The following PLEKHM3 variants were observed in gnomAD, a reference collection of about 807,000 sequenced individuals.
The protein encoded by PLEKHM3 is pleckstrin homology domain containing M3.
A neutral mutation model predicts 81.8 loss-of-function variants in PLEKHM3; 45 were observed. The ratio of observed to expected loss-of-function variants is 0.55; its 90% CI spans 0.43 to 0.71. PLEKHM3 has a LOEUF of 0.71. Ranked by LOEUF, PLEKHM3 falls within the 30% of genes least tolerant of loss-of-function variation. PLEKHM3 has a pLI of 0.00. For missense variants in PLEKHM3, 788 were observed against 924.3 expected (o/e 0.85, Z 1.91); for synonymous variants, 352 against 356.4 (o/e 0.99, Z 0.14).
chr2:207,916,159 G>A (rs564861350), intron 5 of PLEKHM3, among the ~76,000 whole-genome samples: 1 of 152,126 alleles, frequency 6.6e-6, no homozygotes, highest in Non-Finnish European at 1.5e-5. Flanking sequence ...CTGAAAAAAT[G>A]GCAAGATTGC....
At chr2:207,851,511 G>C (rs1345594215) in intron 7 of PLEKHM3, 1 of 152,216 alleles carries the variant, frequency 6.6e-6, no homozygotes, top group African/African-American at 2.4e-5. Context: ...CGAGGCGGGG[G>C]AGGATCACCT....
chr2:208,014,517 G>A lies in PLEKHM3; in HGVS notation c.-319+10872C>T, dbSNP rs559203961. Among the ~76,000 whole-genome samples the A allele has an allele frequency of 1.4e-3, 211 of 152,168 alleles. 2 individuals are homozygous for A. The highest frequency in any genetic ancestry group is 2.2e-3 in the Non-Finnish European group (151 of 68,026). On this transcript the variant is annotated intron_variant, in intron 1 of 7. Transcript: ENST00000427836. ...AAGTTAGCTGGCCGTGGTGGCAGGC[G>A]CCTGTAATCCTAGCTACTCGGGAGG...
intron 4 of PLEKHM3, among the ~76,000 whole-genome samples, chr2:207,946,103 C>A (rs796459188): frequency 1.3e-5 from 2 of 152,114 alleles, no homozygotes; most frequent in African/African-American, 4.8e-5. Context: ...ATAAAAGAGG[C>A]TCCTCTCTCT....
intron 1 of PLEKHM3, among the ~76,000 whole-genome samples, chr2:208,010,501 AAAAC>A (rs1351512081): frequency 6.6e-6 from 1 of 152,242 alleles, no homozygotes; most frequent in Non-Finnish European, 1.5e-5. Flanking sequence ...CACTGACTAG[AAAAC>A]AAACAAAAGA....
At chr2:207,830,072 C>T (rs143590578) in intron 7 of PLEKHM3, among the ~76,000 whole-genome samples, 8 of 152,068 alleles carry the variant, frequency 5.3e-5, no homozygotes, top group East Asian at 3.9e-4. Flanking sequence ...TGGGTGTGTG[C>T]GTGCACACCT....
chr2:207,901,083 C>G (rs916351813), intron 6 of PLEKHM3: 5 of 596,046 alleles, frequency 8.4e-6, no homozygotes, highest in Non-Finnish European at 1.5e-5. Flanking sequence ...CTGAGGGGCT[C>G]GAGTTGGCTC....
intron 7 of PLEKHM3, among the ~76,000 whole-genome samples, chr2:207,847,551 C>T (rs2092390671): frequency 6.6e-6 from 1 of 152,296 alleles, no homozygotes; most frequent in South Asian, 2.1e-4. Context: ...TTCCCACCCC[C>T]AAAATGTCTA....
intron 1 of PLEKHM3, among the ~76,000 whole-genome samples, chr2:208,017,719 C>T (rs1242848692): frequency 6.6e-6 from 1 of 152,156 alleles, no homozygotes; most frequent in Non-Finnish European, 1.5e-5. Context: ...CCTCAAGAAG[C>T]AGTCTGATTC....
At chr2:207,972,084 T>C (rs917675054) in intron 3 of PLEKHM3, among the ~76,000 whole-genome samples, 1 of 152,248 alleles carries the variant, frequency 6.6e-6, no homozygotes, top group African/African-American at 2.4e-5. Flanking sequence ...TCTTCCCTAG[T>C]GGACTGCAAA....
At chr2:207,953,050 G>A (rs755779780) in intron 3 of PLEKHM3, among the ~76,000 whole-genome samples, 14 of 152,158 alleles carry the variant, frequency 9.2e-5, no homozygotes, top group African/African-American at 1.2e-4. Flanking sequence ...TTAAGTATAC[G>A]TTCTGTCGGT....
chr2:207,969,640 C>T (rs556764071), intron 3 of PLEKHM3, among the ~76,000 whole-genome samples: 1 of 152,314 alleles, frequency 6.6e-6, no homozygotes, highest in South Asian at 2.1e-4. Flanking sequence ...TTAGCTTCAG[C>T]TTAGCTAGTT....
Position 207,976,549 on chromosome 2 carries a change from A to C in PLEKHM3, c.1546+102T>G, listed in dbSNP as rs566897302. On this transcript the variant is annotated intron_variant, in intron 3 of 7. Coordinates refer to ENST00000427836, the MANE Select transcript of PLEKHM3 (RefSeq NM_001080475.3). The surrounding 1 kb of genome is among the most constrained non-coding windows in gnomAD (Gnocchi z 4.1). Reference sequence around the variant, plus strand: ...GAGAGATACTTTTTATAAACAGGAGATAGCTGTGACTAGCCTATTAAGGGG... The same window carrying C: ...GAGAGATACTTTTTATAAACAGGAGCTAGCTGTGACTAGCCTATTAAGGGG... The C allele has an allele frequency of 8.8e-5, 97 of 1,106,284 alleles. 1 individual carries two copies. In the African/African-American group the frequency reaches 1.4e-3, roughly 16 times the overall value. 68.5% of individuals were successfully genotyped at this position (1,106,284 alleles called of 1,614,324 possible).
At chr2:207,970,544 T>A (rs1348817023) in intron 3 of PLEKHM3, among the ~76,000 whole-genome samples, 2 of 152,220 alleles carry the variant, frequency 1.3e-5, no homozygotes, top group East Asian at 3.8e-4. Context: ...ACTTCATTTT[T>A]CATTGGTCAT....
At chr2:207,906,475 C>T (rs116665230) in intron 6 of PLEKHM3, among the ~76,000 whole-genome samples, 1,984 of 152,314 alleles carry the variant, frequency 0.013, 36 homozygotes, top group African/African-American at 0.045. Context: ...GCTCTAACAT[C>T]ATGTCTGCCA....
At chr2:207,844,725 G>C (rs2105892331) in intron 7 of PLEKHM3, among the ~76,000 whole-genome samples, 1 of 152,324 alleles carries the variant, frequency 6.6e-6, no homozygotes, top group African/African-American at 2.4e-5. Context: ...ACCACCACAA[G>C]TGAGACTAGT....
At chr2:207,837,834 G>A (rs1400218335) in intron 7 of PLEKHM3, among the ~76,000 whole-genome samples, 2 of 125,144 alleles carry the variant, frequency 1.6e-5, no homozygotes, top group African/African-American at 3.0e-5. Flanking sequence ...GCAGTGGTGC[G>A]ATCTCAGCTC....
intron 5 of PLEKHM3, among the ~76,000 whole-genome samples, chr2:207,927,410 G>A: frequency 6.6e-6 from 1 of 151,462 alleles, no homozygotes; most frequent in African/African-American, 2.4e-5. Context: ...CAGCCACTCA[G>A]GAGGCTGAGG....
intron 5 of PLEKHM3, among the ~76,000 whole-genome samples, chr2:207,912,850 A>C (rs561507988): frequency 5.3e-5 from 8 of 152,328 alleles, no homozygotes; most frequent in Admixed American, 1.3e-4. Context: ...CTTTCCCCTA[A>C]GGCAGACTGA....
At chr2:207,876,134 T>C (rs1355637450) in intron 6 of PLEKHM3, among the ~76,000 whole-genome samples, 1 of 152,182 alleles carries the variant, frequency 6.6e-6, no homozygotes, top group Non-Finnish European at 1.5e-5. Flanking sequence ...TAGTGGGATG[T>C]AGGGGAGAAA....
Sources: gnomAD v4.1 joint callset for allele counts (sites outside exome capture counted in the v4.1 genomes callset) on GRCh38, gnomAD v4.1.1 for gene constraint, Gnocchi (gnomAD v3.1) non-coding constraint, MANE v1.5 for transcripts, NCBI Gene and HGNC (gene_info 2026-07-23, HGNC 2026-07-21) for gene names.